Variants in SLAIN2 observed in about 807,000 individuals in gnomAD.
SLAIN2 encodes SLAIN motif-containing protein 2.
In SLAIN2, 31 loss-of-function variants were observed where a neutral mutation model predicts 56.6. That is an observed-to-expected ratio of 0.55 (90% CI 0.41 to 0.74). The LOEUF (loss-of-function observed/expected upper bound fraction) is 0.74, where lower values mean the gene tolerates loss of function less well. SLAIN2 is among the 30% of genes least tolerant of loss of function. The probability of loss-of-function intolerance (pLI) is 0.00; values close to 1 mark genes in which losing one functional copy is unlikely to be tolerated. For synonymous variants in SLAIN2, 317 were observed against 284.9 expected (o/e 1.11, Z -1.13); for missense variants, 777 against 754.2 (o/e 1.03, Z -0.35).
chr4:48,411,847 A>G (rs1373150653), intron 6 of SLAIN2, among the ~76,000 whole-genome samples: 2 of 152,146 alleles, frequency 1.3e-5, no homozygotes, highest in African/African-American at 4.8e-5. Flanking sequence ...TTCTGCACAG[A>G]TACTGATAAT....
chr4:48,420,555 C>T, intron 7 of SLAIN2, 112 bp downstream of exon 7: 1 of 1,199,110 alleles, frequency 8.3e-7, no homozygotes, highest in East Asian at 2.4e-5. Context: ...ATGGTGGATT[C>T]CCACCAGAGT....
intron 6 of SLAIN2, among the ~76,000 whole-genome samples, chr4:48,410,983 T>C (rs1175387579): frequency 6.6e-6 from 1 of 152,072 alleles, no homozygotes; most frequent in Admixed American, 6.6e-5. Context: ...CCTCTTCCCT[T>C]CCCTCTTCCA....
intron 1 of SLAIN2, among the ~76,000 whole-genome samples, chr4:48,345,376 GTTA>G (rs1340611891): frequency 2.0e-5 from 3 of 151,964 alleles, no homozygotes; most frequent in Non-Finnish European, 2.9e-5. Context: ...TTCGACCATG[GTTA>G]TTTTTTTCTT....
chr4:48,361,680 A>G (rs1340468393), intron 1 of SLAIN2, among the ~76,000 whole-genome samples: 1 of 152,124 alleles, frequency 6.6e-6, no homozygotes, highest in African/African-American at 2.4e-5. Flanking sequence ...TTTTATATAA[A>G]TTTTAGGATC....
chr4:48,398,967 T>A (rs9995070), intron 6 of SLAIN2, among the ~76,000 whole-genome samples: 80,431 of 152,028 alleles, frequency 0.53, 22,354 homozygotes, highest in South Asian at 0.69. Flanking sequence ...AGGATTGTCT[T>A]GGCTATTGGG....
chr4:48,400,041 C>T (rs1019777284), intron 6 of SLAIN2, among the ~76,000 whole-genome samples: 14 of 152,156 alleles, frequency 9.2e-5, no homozygotes, highest in African/African-American at 3.4e-4. Context: ...AGGAGTCTCT[C>T]CTTTTCAATT....
At chr4:48,382,423 A>G (rs1190089346) in intron 4 of SLAIN2, 145 bp from the exon 5 acceptor site, 22 of 706,936 alleles carry the variant, frequency 3.1e-5, no homozygotes, top group South Asian at 6.4e-5. Context: ...ATATAAGCCT[A>G]TATAAGTCTA....
At chr4:48,361,111 A>G (rs995244836) in intron 1 of SLAIN2, among the ~76,000 whole-genome samples, 2 of 152,250 alleles carry the variant, frequency 1.3e-5, no homozygotes, top group African/African-American at 4.8e-5. Context: ...AACATTTTGC[A>G]TCAATGTTGT....
chr4:48,363,650 G>C (rs1715403462), intron 1 of SLAIN2, among the ~76,000 whole-genome samples: 5 of 100,234 alleles, frequency 5.0e-5, no homozygotes, highest in African/African-American at 1.1e-4. Flanking sequence ...CGGACGGGGC[G>C]GCTGGCCGGG....
chr4:48,349,583 G>C lies in SLAIN2; in HGVS notation c.389+7455G>C, dbSNP rs188280480. On this transcript the variant is annotated intron_variant, in intron 1 of 7. Transcript: ENST00000264313. ...TTTAGTAGGATTACAGAAGCACTTT[G>C]TTTTAAACTTCTTTGTACTTTTTGT... Among the ~76,000 whole-genome samples the C allele has an allele frequency of 2.3e-4, 35 of 152,254 alleles. 1 individual carries two copies. The highest frequency in any genetic ancestry group is 2.0e-3 in the Admixed American group (31 of 15,296).
chr4:48,372,015 T>C (rs1715681712), intron 2 of SLAIN2, among the ~76,000 whole-genome samples: 2 of 149,128 alleles, frequency 1.3e-5, no homozygotes, highest in African/African-American at 5.0e-5. Flanking sequence ...CACACACATA[T>C]ACATATATAC....
chr4:48,393,935 C>G (rs1716296606), intron 6 of SLAIN2, among the ~76,000 whole-genome samples: 1 of 152,112 alleles, frequency 6.6e-6, no homozygotes, highest in African/African-American at 2.4e-5. Context: ...TGGTCTGACT[C>G]CTCCAAACCC....
chr4:48,402,766 G>A (rs941823725), intron 6 of SLAIN2, among the ~76,000 whole-genome samples: 31 of 152,156 alleles, frequency 2.0e-4, no homozygotes, highest in African/African-American at 3.6e-4. Flanking sequence ...TGCCCTTGCC[G>A]GAGAGATGTG....
At chr4:48,402,786 A>C (rs1716589365) in intron 6 of SLAIN2, among the ~76,000 whole-genome samples, 1 of 152,168 alleles carries the variant, frequency 6.6e-6, no homozygotes, top group Admixed American at 6.5e-5. Context: ...GGTCATTTGG[A>C]GGAGAATACA....
chr4:48,386,768 C>A (rs931504826), intron 6 of SLAIN2, among the ~76,000 whole-genome samples: 1 of 152,074 alleles, frequency 6.6e-6, no homozygotes, highest in African/African-American at 2.4e-5. Context: ...TCTTTGAAAT[C>A]GTGAGTGATA....
chr4:48,342,625 A>G (rs1714745702), intron 1 of SLAIN2, among the ~76,000 whole-genome samples: 1 of 142,316 alleles, frequency 7.0e-6, no homozygotes, highest in Non-Finnish European at 1.5e-5. Flanking sequence ...TCTGGCGGGG[A>G]TGGGGAGACC....
chr4:48,341,625 T>C lies in SLAIN2; in HGVS notation c.-115T>C. ...CCCTGGCGGTGGGGCCTGGTCCTGCTATATGCCGGCGCCTCGGCTAGAGTG... is the reference window on the plus strand; with the variant it reads ...CCCTGGCGGTGGGGCCTGGTCCTGCCATATGCCGGCGCCTCGGCTAGAGTG... On this transcript the variant is annotated 5_prime_UTR_variant, in exon 1 of 8. Transcript: ENST00000264313. The C allele has an allele frequency of 7.0e-7, 1 of 1,429,368 alleles. No homozygotes were observed. The highest frequency in any genetic ancestry group is 9.2e-7 in the Non-Finnish European group (1 of 1,087,710). The allele number at this position is 1,429,368 out of a possible 1,614,324, so 88.5% of individuals were successfully genotyped here.
intron 6 of SLAIN2, among the ~76,000 whole-genome samples, chr4:48,388,763 C>T (rs1386920098): frequency 6.6e-6 from 1 of 152,182 alleles, no homozygotes; most frequent in African/African-American, 2.4e-5. Flanking sequence ...GAATGACTGT[C>T]AGACCATGAT....
chr4:48,388,449 G>A (rs1426868381), intron 6 of SLAIN2, among the ~76,000 whole-genome samples: 2 of 152,126 alleles, frequency 1.3e-5, no homozygotes, highest in African/African-American at 2.4e-5. Context: ...TAAGGGAAGG[G>A]AGAAAAACCC....
Sources: gnomAD v4.1 joint callset for allele counts (sites outside exome capture counted in the v4.1 genomes callset) on GRCh38, gnomAD v4.1.1 for gene constraint, MANE v1.5 for transcripts, NCBI Gene and HGNC (gene_info 2026-07-23, HGNC 2026-07-21) for gene names.